The following USP13 variants were observed in gnomAD, a reference collection of about 807,000 sequenced individuals.
USP13 encodes ubiquitin specific peptidase 13.
A neutral mutation model predicts 107.8 loss-of-function variants in USP13; 68 were observed. The ratio of observed to expected loss-of-function variants is 0.63; its 90% CI spans 0.52 to 0.77. The LOEUF (loss-of-function observed/expected upper bound fraction) is 0.77, where lower values mean the gene tolerates loss of function less well. Among genes scored for constraint, USP13 ranks in the 30% least tolerant of loss-of-function variants. The pLI, the probability that USP13 is intolerant of heterozygous loss-of-function variation, is 0.00. For synonymous variants in USP13, 377 were observed against 389.5 expected (o/e 0.97, Z 0.38); for missense variants, 945 against 1,093.3 (o/e 0.86, Z 1.91).
intron 14 of USP13, among the ~76,000 whole-genome samples, chr3:179,753,953 C>T (rs568310731): frequency 1.3e-5 from 2 of 152,260 alleles, no homozygotes; most frequent in South Asian, 4.1e-4. Context: ...AGATAATACA[C>T]TTGAGATTCA....
Position 179,770,762 on chromosome 3 carries a change from A to G in USP13, c.2413+4914A>G, listed in dbSNP as rs776256890. 2.6e-5 allele frequency among the ~76,000 whole-genome samples: 4 copies of G among 151,822 alleles called. 1 individual carries two copies. Among genetic ancestry groups the G allele is most frequent in the Non-Finnish European group, 1.5e-5 (1 of 67,964 alleles). ...TAGGATTACAGGCACGCGCCACCAC[A>G]CCCAGCTAATTTTTATACTGTTTTT... is the stretch of plus-strand genomic sequence containing the variant. On this transcript the variant is annotated intron_variant, in intron 19 of 20. Coordinates refer to ENST00000263966, the MANE Select transcript of USP13 (RefSeq NM_003940.3).
In USP13 at chr3:179,766,596, C is replaced by A. The variant is rs767440159; in HGVS notation, c.2413+748C>A. The stretch of plus-strand genomic sequence containing the variant: ...GGATGACAGGAAGAGGCGCCATAGG[C>A]CGTTGTTCTGCCTTTTAATAGCAAA... On this transcript the variant is annotated intron_variant, in intron 19 of 20. Coordinates refer to ENST00000263966, the MANE Select transcript of USP13 (RefSeq NM_003940.3). Among the ~76,000 whole-genome samples, 4 of 152,218 alleles carry A rather than the reference C, an allele frequency of 2.6e-5. No individual in the cohort carries two copies. The South Asian group carries it at 8.3e-4, about 31-fold the overall frequency.
chr3:179,741,289 C>T (rs1714190304), intron 11 of USP13, among the ~76,000 whole-genome samples: 1 of 152,114 alleles, frequency 6.6e-6, no homozygotes, highest in Non-Finnish European at 1.5e-5. Flanking sequence ...GATCTTGGCC[C>T]ACTGCAACCT....
In USP13 at chr3:179,696,611, C is replaced by T. The variant is rs547461167; in HGVS notation, c.356-4397C>T. On this transcript the variant is annotated intron_variant, in intron 3 of 20. Transcript: ENST00000263966. ...CCTCCTAAAGTGCTGGGATTACAGG[C>T]GTGAGCCACTGCGCCTGGCCAGGCA... Among the ~76,000 whole-genome samples the T allele has an allele frequency of 5.3e-5, 8 of 152,206 alleles. No homozygotes were observed. The East Asian group carries it at 7.7e-4, about 15-fold the overall frequency.
In USP13 at chr3:179,738,222, A is replaced by G. The variant is rs112994427; in HGVS notation, c.1255-2025A>G. ...CATTTTGTGCTCTGGACTTCAGAGG[A>G]GAGGAATATGGTCTGCAAGCTAAGC... is the stretch of plus-strand genomic sequence containing the variant. On this transcript the variant is annotated intron_variant, in intron 10 of 20. Coordinates refer to ENST00000263966, the MANE Select transcript of USP13 (RefSeq NM_003940.3). 6.9e-3 allele frequency among the ~76,000 whole-genome samples: 1,053 copies of G among 152,302 alleles called. 11 individuals are homozygous for G. Among genetic ancestry groups the G allele is most frequent in the Admixed American group, 0.014 (209 of 15,300 alleles).
intron 1 of USP13, among the ~76,000 whole-genome samples, chr3:179,662,099 C>T (rs975163353): frequency 1.3e-5 from 2 of 152,204 alleles, no homozygotes; most frequent in Non-Finnish European, 2.9e-5. Context: ...TCTCTTCCTG[C>T]CTGTAATACC....
At chr3:179,673,229 T>C (rs1720797793) in intron 1 of USP13, among the ~76,000 whole-genome samples, 1 of 152,202 alleles carries the variant, frequency 6.6e-6, no homozygotes, top group South Asian at 2.1e-4. Flanking sequence ...TGTATTATGA[T>C]GCATTTTAAA....
intron 4 of USP13, among the ~76,000 whole-genome samples, chr3:179,705,847 T>C (rs2111392): frequency 0.88 from 133,209 of 152,078 alleles, 58,908 homozygotes; most frequent in Non-Finnish European, 0.94. Flanking sequence ...CTCAGTCTCC[T>C]GAGTAGCTGG....
chr3:179,763,988 G>T lies in USP13; in HGVS notation c.2093-14G>T, dbSNP rs991127655. 11 of 1,589,506 alleles carry T rather than the reference G, an allele frequency of 6.9e-6. No homozygotes were observed. Among genetic ancestry groups the T allele is most frequent in the Non-Finnish European group, 8.5e-6 (10 of 1,172,176 alleles). ...AAAAAAAGGAAAAGACTTGGGTGTG[G>T]TTATTTTTCTCAGATTTTGCTGAGC... On this transcript the variant is annotated splice_polypyrimidine_tract_variant and intron_variant, in intron 17 of 20. Transcript: ENST00000263966.
At chr3:179,659,076 C>T (rs1200158475) in intron 1 of USP13, among the ~76,000 whole-genome samples, 1 of 152,126 alleles carries the variant, frequency 6.6e-6, no homozygotes, top group Non-Finnish European at 1.5e-5. Flanking sequence ...GAGCTTTTTT[C>T]CCATTTTTGA....
chr3:179,750,387 G>C (rs541714693), intron 13 of USP13, among the ~76,000 whole-genome samples: 5 of 145,760 alleles, frequency 3.4e-5, no homozygotes, highest in Non-Finnish European at 4.5e-5. Flanking sequence ...TGTTTTTTTG[G>C]TGCAGTTGAG....
At chr3:179,774,779 C>A (rs1365178623) in intron 19 of USP13, among the ~76,000 whole-genome samples, 1 of 152,246 alleles carries the variant, frequency 6.6e-6, no homozygotes, top group Non-Finnish European at 1.5e-5. Flanking sequence ...CACCCACATC[C>A]TGCTGATTGG....
chr3:179,740,232 A>G lies in USP13; in HGVS notation c.1255-15A>G, dbSNP rs1427318202. Reference sequence around the variant, plus strand: ...CATGAAAGTATCATAAGTCCATTTCATTTTTATACATTAGCCACAGCAGAA... The same window carrying G: ...CATGAAAGTATCATAAGTCCATTTCGTTTTTATACATTAGCCACAGCAGAA... On this transcript the variant is annotated splice_polypyrimidine_tract_variant and intron_variant, in intron 10 of 20. Coordinates refer to ENST00000263966, the MANE Select transcript of USP13 (RefSeq NM_003940.3). 2 of 1,612,948 alleles carry G rather than the reference A, an allele frequency of 1.2e-6. No individual in the cohort carries two copies. Among genetic ancestry groups the G allele is most frequent in the Non-Finnish European group, 1.7e-6 (2 of 1,179,164 alleles).
chr3:179,775,296 T>C (rs149749672), intron 19 of USP13, among the ~76,000 whole-genome samples: 111 of 152,226 alleles, frequency 7.3e-4, no homozygotes, highest in African/African-American at 2.5e-3. Context: ...ATGTAAACGT[T>C]CTCGAAGTCC....
At chr3:179,688,079 A>ATCCATCCATCCATCCG (rs1560049148) in intron 2 of USP13, among the ~76,000 whole-genome samples, 2 of 142,774 alleles carry the variant, frequency 1.4e-5, no homozygotes, top group African/African-American at 5.5e-5. Flanking sequence ...TAATCAGGAT[A>ATCCATCCATCCATCCG]TCCATCCATC....
intron 19 of USP13, among the ~76,000 whole-genome samples, chr3:179,775,300 G>T (rs569750609): frequency 1.3e-5 from 2 of 151,454 alleles, no homozygotes; most frequent in Non-Finnish European, 2.9e-5. Context: ...AAACGTTCTC[G>T]AAGTCCCCAC....
At chr3:179,730,112 C>G in intron 8 of USP13, 77 bp from the exon 9 acceptor site, 1 of 1,395,750 alleles carries the variant, frequency 7.2e-7, no homozygotes. Flanking sequence ...AAGGTCTTAG[C>G]AAGAATTTTG....
At chr3:179,753,741 C>A (rs997653964) in intron 14 of USP13, among the ~76,000 whole-genome samples, 1 of 152,132 alleles carries the variant, frequency 6.6e-6, no homozygotes, top group South Asian at 2.1e-4. Context: ...TACCTGGTAT[C>A]ATAACTGATT....
rs76419897 is a variant in USP13 at position 179,686,903 on chromosome 3, G to T, written c.295-3338G>T. Among the ~76,000 whole-genome samples, 235 of 152,252 alleles carry T rather than the reference G, an allele frequency of 1.5e-3. 1 individual carries two copies. Among genetic ancestry groups the T allele is most frequent in the African/African-American group, 5.4e-3 (223 of 41,534 alleles). On this transcript the variant is annotated intron_variant, in intron 2 of 20. Coordinates refer to ENST00000263966, the MANE Select transcript of USP13 (RefSeq NM_003940.3). The stretch of plus-strand genomic sequence containing the variant: ...TTGACACCATTCTTTCTTGGCTTCC[G>T]CTTATCCTTTCTCAGTTTCTTTCAC...
Sources: allele counts gnomAD v4.1 joint callset (sites outside exome capture counted in the v4.1 genomes callset), GRCh38; gene constraint gnomAD v4.1.1; transcripts MANE v1.5; gene names NCBI Gene and HGNC (gene_info 2026-07-23, HGNC 2026-07-21).